PHTF2: variants seen among roughly 807,000 people sequenced by gnomAD.
PHTF2 encodes putative homeodomain transcription factor 2, also known as protein PHTF2.
PHTF2 carries 60 observed loss-of-function variants against 101.2 expected under a neutral mutation model. The ratio of observed to expected loss-of-function variants is 0.59; its 90% confidence interval spans 0.48 to 0.73. The LOEUF (loss-of-function observed/expected upper bound fraction) is 0.73, where lower values mean the gene tolerates loss of function less well. Ranked by LOEUF, PHTF2 falls within the 30% of genes least tolerant of loss-of-function variation. The probability of loss-of-function intolerance (pLI) is 0.00; values close to 1 mark genes in which losing one functional copy is unlikely to be tolerated. For synonymous variants in PHTF2, 311 were observed against 307.3 expected (o/e 1.01, Z -0.13); for missense variants, 747 against 908.7 (o/e 0.82, Z 2.29).
intron 3 of PHTF2, among the ~76,000 whole-genome samples, chr7:77,889,323 C>G (rs1040500902): frequency 3.3e-5 from 5 of 152,152 alleles, no homozygotes; most frequent in African/African-American, 9.7e-5. Flanking sequence ...GATCTGGCTA[C>G]CACTCTGATT....
chr7:77,866,275 T>G (rs1798060985), intron 3 of PHTF2, among the ~76,000 whole-genome samples: 1 of 152,104 alleles, frequency 6.6e-6, no homozygotes, highest in Non-Finnish European at 1.5e-5. Flanking sequence ...TAATAAGTAT[T>G]AGGAGAATAA....
chr7:77,862,848 A>T (rs1380664134), intron 3 of PHTF2, among the ~76,000 whole-genome samples: 2 of 152,188 alleles, frequency 1.3e-5, no homozygotes, highest in African/African-American at 4.8e-5. Context: ...AAATTAGGCA[A>T]ATGTACCAAC....
chr7:77,910,183 A>G (rs981811825), intron 8 of PHTF2, 62 bp from the exon 8 acceptor site: 7 of 1,411,052 alleles, frequency 5.0e-6, no homozygotes, highest in Non-Finnish European at 6.8e-6. Flanking sequence ...TGATTGTACT[A>G]CTGAGAAAGT....
At chr7:77,901,982 C>A in intron 7 of PHTF2, 62 bp downstream of exon 6, 3 of 1,046,964 alleles carry the variant, frequency 2.9e-6, no homozygotes, top group South Asian at 2.3e-5. Context: ...TTTAATAAGT[C>A]TTTGTTTTAA....
exon 10 of PHTF2, chr7:77,920,286 A>G (rs774163024): frequency 1.9e-6 from 3 of 1,568,506 alleles, no homozygotes; most frequent in East Asian, 4.5e-5. Context: ...TAGATCAAAG[A>G]AAGCAAAGAA....
chr7:77,894,944 A>G (rs1422029916), intron 5 of PHTF2, among the ~76,000 whole-genome samples: 1 of 152,118 alleles, frequency 6.6e-6, no homozygotes, highest in African/African-American at 2.4e-5. Context: ...AGAAAGGAAA[A>G]TGGAAGTCAG....
At chr7:77,877,239 C>T (rs1369395406) in intron 3 of PHTF2, among the ~76,000 whole-genome samples, 3 of 151,882 alleles carry the variant, frequency 2.0e-5, no homozygotes, top group African/African-American at 7.3e-5. Context: ...CTTCAGCCTC[C>T]TGAGTTGCTG....
chr7:77,854,647 C>T (rs938736363), intron 2 of PHTF2: 1 of 670,472 alleles, frequency 1.5e-6, no homozygotes, highest in Non-Finnish European at 2.7e-6. Context: ...GAAATCTACT[C>T]CATGCTGTAT....
intron 19 of PHTF2, among the ~76,000 whole-genome samples, chr7:77,954,638 A>ATATAT (rs1562982902): frequency 1.7e-4 from 24 of 139,106 alleles, no homozygotes; most frequent in African/African-American, 5.3e-4. Flanking sequence ...ATATATATAT[A>ATATAT]TATATATAGC....
At chr7:77,830,677 CAG>C (rs951844451) in intron 1 of PHTF2, among the ~76,000 whole-genome samples, 21 of 152,164 alleles carry the variant, frequency 1.4e-4, no homozygotes, top group African/African-American at 4.8e-4. Context: ...TTAACGTTAG[CAG>C]AGAGGTTTGA....
chr7:77,908,840 C>T, exon 8 of PHTF2: 1 of 1,612,156 alleles, frequency 6.2e-7, no homozygotes, highest in Non-Finnish European at 8.5e-7. Flanking sequence ...ACACAGCATA[C>T]CTCTGACAGA....
At chr7:77,858,624 G>A (rs1261895780) in intron 3 of PHTF2, among the ~76,000 whole-genome samples, 1 of 148,220 alleles carries the variant, frequency 6.7e-6, no homozygotes, top group East Asian at 2.0e-4. Context: ...GACCTCTGAT[G>A]TCTCTGTCTT....
chr7:77,954,544 A>G (rs1164867585), intron 19 of PHTF2, among the ~76,000 whole-genome samples: 2 of 150,374 alleles, frequency 1.3e-5, no homozygotes, highest in Admixed American at 6.6e-5. Flanking sequence ...AGCAATGCAT[A>G]CATCTTCCAA....
At chr7:77,806,068 A>G (rs1562827227) in intron 1 of PHTF2, among the ~76,000 whole-genome samples, 1 of 152,010 alleles carries the variant, frequency 6.6e-6, no homozygotes, top group Non-Finnish European at 1.5e-5. Flanking sequence ...CTAGCTACTC[A>G]GGAGCCTGAG....
At chr7:77,854,422 G>A (rs1479224754) in intron 2 of PHTF2, among the ~76,000 whole-genome samples, 1 of 152,106 alleles carries the variant, frequency 6.6e-6, no homozygotes, top group African/African-American at 2.4e-5. Context: ...ACTGTGTCTT[G>A]CCCAAGGCCT....
intron 5 of PHTF2, among the ~76,000 whole-genome samples, chr7:77,899,833 A>T (rs778469186): frequency 6.6e-6 from 1 of 152,210 alleles, no homozygotes; most frequent in East Asian, 1.9e-4. Flanking sequence ...CACTTGTGTC[A>T]TCTCGCAGTA....
intron 7 of PHTF2, among the ~76,000 whole-genome samples, chr7:77,905,875 T>TTGA (rs1801810210): frequency 6.6e-6 from 1 of 152,240 alleles, no homozygotes; most frequent in African/African-American, 2.4e-5. Flanking sequence ...TCTGTCTTAG[T>TTGA]TGATCTCCAG....
Position 77,922,796 on chromosome 7 carries a change from A to C in PHTF2, c.1119+18A>C. 6.6e-7 allele frequency: 1 copy of C among 1,508,250 alleles called. No homozygotes were observed. Among genetic ancestry groups the C allele is most frequent in the Non-Finnish European group, 9.1e-7 (1 of 1,099,172 alleles). 93.4% of individuals were successfully genotyped at this position (1,508,250 alleles called of 1,614,324 possible). On this transcript the variant is annotated intron_variant, in intron 11 of 19. Coordinates refer to ENST00000416283, the Ensembl canonical transcript of PHTF2. Reference sequence around the variant, plus strand: ...CTAATGAGGTATATACTTTGTCCTTAAGTGTATACATACGTATCTATTTTA... The same window carrying C: ...CTAATGAGGTATATACTTTGTCCTTCAGTGTATACATACGTATCTATTTTA...
chr7:77,877,115 C>CTTT (rs200021720), intron 3 of PHTF2, among the ~76,000 whole-genome samples: 24 of 137,216 alleles, frequency 1.7e-4, no homozygotes, highest in African/African-American at 3.7e-4. Context: ...TTTTCTCTCT[C>CTTT]TTTTTTTTTT....
Sources: allele counts gnomAD v4.1 joint callset (sites outside exome capture counted in the v4.1 genomes callset), GRCh38; gene constraint gnomAD v4.1.1; transcripts MANE v1.5; gene names NCBI Gene and HGNC (gene_info 2026-07-23, HGNC 2026-07-21).